Variants in CCDC88A observed in about 807,000 individuals in gnomAD.
CCDC88A encodes the protein coiled-coil and HOOK domain protein 88A.
A neutral mutation model predicts 234.3 loss-of-function variants in CCDC88A; 54 were observed. The observed-to-expected ratio is 0.23, with a 90% CI of 0.19 to 0.29. The LOEUF (loss-of-function observed/expected upper bound fraction) is 0.29. Ranked by LOEUF, CCDC88A falls within the 10% of genes least tolerant of loss-of-function variation. The pLI is 1.00. For synonymous variants in CCDC88A, 753 were observed against 737.8 expected (o/e 1.02, Z -0.33); for missense variants, 1,832 against 2,123.4 (o/e 0.86, Z 2.70).
rs1334002926 is a variant in CCDC88A at position 55,332,977 on chromosome 2, C to A, written c.2728-284G>T. ...GTTTGAAAACTGGGGAAAATCATAT[C>A]CATTTACTTTTTAATAATGAGCCTG... On this transcript the variant is annotated intron_variant, in intron 15 of 32. Coordinates refer to ENST00000436346, the MANE Select transcript of CCDC88A (RefSeq NM_001365480.1). The surrounding 1 kb of genome is among the most constrained non-coding windows in gnomAD (Gnocchi z 4.5). Among the ~76,000 whole-genome samples the A allele has an allele frequency of 6.6e-6, 1 of 152,074 alleles. No individual in the cohort carries two copies. The highest frequency in any genetic ancestry group is 2.4e-5 in the African/African-American group (1 of 41,412).
intron 5 of CCDC88A, among the ~76,000 whole-genome samples, chr2:55,367,499 T>C (rs1395656144): frequency 6.6e-6 from 1 of 150,916 alleles, no homozygotes; most frequent in African/African-American, 2.4e-5. Context: ...GAAAAACAAA[T>C]GCCTTGCTAG....
intron 5 of CCDC88A, among the ~76,000 whole-genome samples, chr2:55,371,194 A>G (rs575407300): frequency 6.6e-6 from 1 of 152,340 alleles, no homozygotes; most frequent in Admixed American, 6.5e-5. Context: ...TGTAAATACG[A>G]GTTGTGTTTC....
At chr2:55,409,738 C>CTTTTTTTTTTTTTTTTTTTTTT (rs61703330) in intron 2 of CCDC88A, among the ~76,000 whole-genome samples, 1 of 111,732 alleles carries the variant, frequency 8.9e-6, no homozygotes, top group Non-Finnish European at 1.7e-5. Context: ...ATATACCTCC[C>CTTTTTTTTTTTTTTTTTTTTTT]TTTTTTTTTT....
chr2:55,291,465 A>C, intron 32 of CCDC88A: 1 of 340,024 alleles, frequency 2.9e-6, no homozygotes, highest in Non-Finnish European at 5.3e-6. Context: ...TGACAAAAAA[A>C]CTTAAAAAAA....
At chr2:55,401,989 C>A (rs1574478214) in intron 2 of CCDC88A, among the ~76,000 whole-genome samples, 3 of 54,768 alleles carry the variant, frequency 5.5e-5, no homozygotes, top group East Asian at 6.8e-4. Context: ...AATGGCTGAA[C>A]CCACCCTTTA....
chr2:55,332,590 T>C lies in CCDC88A; in HGVS notation c.2831A>G (p.His944Arg), dbSNP rs2104683128. 1.9e-6 allele frequency: 3 copies of C among 1,613,588 alleles called. No individual in the cohort carries two copies. Among genetic ancestry groups the C allele is most frequent in the Non-Finnish European group, 2.5e-6 (3 of 1,179,738 alleles). ...KIGLNKERLL[H>R]DEQSTDDSRY... Reference sequence around the variant, plus strand: ...CCTGTCATCAGTACTTTGTTCATCATGTAAGAGTCGCTCCTTATTTAACCC... The same window carrying C: ...CCTGTCATCAGTACTTTGTTCATCACGTAAGAGTCGCTCCTTATTTAACCC... The change falls in exon 16 of 33, where the codon CAT becomes CGT. Residue 944 changes from histidine (H) to arginine (R), a missense_variant. By Grantham distance (29) the His-to-Arg change is conservative (BLOSUM62 0). Around this residue, in one of 6 missense-constraint regions of CCDC88A, gnomAD observed 1,282 missense variants for 1,543.6 expected, o/e 0.83. Transcript: ENST00000436346. The surrounding 1 kb of genome is among the most constrained non-coding windows in gnomAD (Gnocchi z 4.5).
In CCDC88A at chr2:55,343,581, C is replaced by T. The variant is rs1222844163; in HGVS notation, c.1333+67G>A. 17 of 1,252,286 alleles carry T rather than the reference C, an allele frequency of 1.4e-5. No individual in the cohort carries two copies. In the Admixed American group the frequency reaches 3.2e-4, roughly 23 times the overall value. 77.6% of individuals were successfully genotyped at this position (1,252,286 alleles called of 1,614,324 possible). ...ATCTCCCACTGCGGAAAATAAAGAA[C>T]TGCAAGTAAACATAAATACAACTTC... On this transcript the variant is annotated intron_variant, in intron 12 of 32. Transcript: ENST00000436346.
chr2:55,349,480 C>T, intron 9 of CCDC88A, 38 bp downstream of exon 9: 1 of 1,360,182 alleles, frequency 7.4e-7, no homozygotes, highest in Non-Finnish European at 1.0e-6. Flanking sequence ...TTTCCAATTA[C>T]TTGGTGGTCC....
chr2:55,419,827 C>T lies in CCDC88A; in HGVS notation c.-748G>A, dbSNP rs944571245. ...AAAATCACCGCCGCGCTCCAGCCTT[C>T]TCCGCCCTCTATGGAGAAGCCGGAG... On this transcript the variant is annotated 5_prime_UTR_variant, in exon 1 of 33. Coordinates refer to ENST00000436346, the MANE Select transcript of CCDC88A (RefSeq NM_001365480.1). The T allele has an allele frequency of 6.6e-6, 1 of 152,506 alleles. No individual in the cohort carries two copies. The highest frequency in any genetic ancestry group is 1.5e-5 in the Non-Finnish European group (1 of 68,346). The allele number at this position is 152,506 out of a possible 1,614,324, so 9.4% of individuals were successfully genotyped here.
intron 8 of CCDC88A, among the ~76,000 whole-genome samples, chr2:55,352,839 T>C (rs1416152972): frequency 1.3e-5 from 2 of 151,760 alleles, no homozygotes; most frequent in Non-Finnish European, 2.9e-5. Context: ...CACTTTCTGA[T>C]TGTAATTACT....
intron 25 of CCDC88A, among the ~76,000 whole-genome samples, chr2:55,303,780 C>T (rs17046834): frequency 0.16 from 23,608 of 152,038 alleles, 5,037 homozygotes; most frequent in African/African-American, 0.48. Context: ...CTAGTTAAGT[C>T]GTAAAGGTAA....
chr2:55,372,311 A>C (rs542465035), intron 5 of CCDC88A, 141 bp downstream of exon 5: 279 of 497,502 alleles, frequency 5.6e-4, no homozygotes, highest in Non-Finnish European at 8.6e-4. Flanking sequence ...TCTCCTTAGG[A>C]GGTTATACAG....
chr2:55,371,866 C>G (rs530910775), intron 5 of CCDC88A, among the ~76,000 whole-genome samples: 1 of 152,064 alleles, frequency 6.6e-6, no homozygotes, highest in Non-Finnish European at 1.5e-5. Context: ...TTACCCTACC[C>G]AATCTCCTGA....
In CCDC88A at chr2:55,332,540, G is replaced by T. The variant is rs1308031484; in HGVS notation, c.2855+26C>A. Reference sequence around the variant, plus strand: ...CAAAAAAAAAAAAAAATTTTCAACTGTTTGCCAAGTAGACTTAGTACTCAC... The same window carrying T: ...CAAAAAAAAAAAAAAATTTTCAACTTTTTGCCAAGTAGACTTAGTACTCAC... On this transcript the variant is annotated intron_variant, in intron 16 of 32. Coordinates refer to ENST00000436346, the MANE Select transcript of CCDC88A (RefSeq NM_001365480.1). This position sits in a 1 kb window ranked among gnomAD's most constrained non-coding sequence, Gnocchi z 4.5. The T allele has an allele frequency of 1.2e-5, 19 of 1,575,002 alleles. No homozygotes were observed. The highest frequency in any genetic ancestry group is 4.1e-5 in the African/African-American group (3 of 72,600).
At chr2:55,378,693 T>A (rs1674088856) in intron 3 of CCDC88A, among the ~76,000 whole-genome samples, 1 of 152,216 alleles carries the variant, frequency 6.6e-6, no homozygotes, top group African/African-American at 2.4e-5. Flanking sequence ...AAATGTCTTA[T>A]TGGTTACCCT....
intron 18 of CCDC88A, among the ~76,000 whole-genome samples, chr2:55,322,120 G>C (rs947660031): frequency 2.0e-5 from 3 of 152,074 alleles, no homozygotes; most frequent in Admixed American, 6.6e-5. Flanking sequence ...GATAGTAAAG[G>C]CACGGTGGTA....
chr2:55,328,719 A>C lies in CCDC88A; in HGVS notation c.2856-284T>G, dbSNP rs1684551306. The C allele has an allele frequency of 4.8e-6, 1 of 210,284 alleles. No individual in the cohort carries two copies. 13.0% of individuals were successfully genotyped at this position (210,284 alleles called of 1,614,324 possible). A position where few individuals can be genotyped will look rare whatever the true frequency, so the allele number is the denominator to read the frequency against. On this transcript the variant is annotated intron_variant, in intron 16 of 32. Coordinates refer to ENST00000436346, the MANE Select transcript of CCDC88A (RefSeq NM_001365480.1). The surrounding 1 kb of genome is among the most constrained non-coding windows in gnomAD (Gnocchi z 4.3). ...GAACCCGGAAGACCAAAGTCCCAAAATATCCTTTTTATTAATGAAGACTCC... is the reference window on the plus strand; with the variant it reads ...GAACCCGGAAGACCAAAGTCCCAAACTATCCTTTTTATTAATGAAGACTCC...
At chr2:55,304,029 C>T (rs571253916) in intron 25 of CCDC88A, among the ~76,000 whole-genome samples, 60 of 152,272 alleles carry the variant, frequency 3.9e-4, no homozygotes, top group South Asian at 8.3e-4. Context: ...TTTAAGATTT[C>T]GAGGAATGGT....
intron 4 of CCDC88A, among the ~76,000 whole-genome samples, chr2:55,373,094 T>A (rs1188033864): frequency 6.6e-6 from 1 of 152,146 alleles, no homozygotes; most frequent in African/African-American, 2.4e-5. Flanking sequence ...GAGAGAATAT[T>A]CCCTGTCCAA....
Sources: gnomAD v4.1 joint callset for allele counts (sites outside exome capture counted in the v4.1 genomes callset) on GRCh38, gnomAD v4.1.1 for gene constraint, gnomAD v4.1.1 regional missense constraint, Gnocchi (gnomAD v3.1) non-coding constraint, MANE v1.5 for transcripts, NCBI Gene and HGNC (gene_info 2026-07-23, HGNC 2026-07-21) for gene names.